Variants in RPA3 observed in about 807,000 individuals in gnomAD.
The protein encoded by RPA3 is replication protein A 14 kDa subunit.
In RPA3, 24 loss-of-function variants were observed where a neutral mutation model predicts 13.7. The observed-to-expected ratio is 1.75, with a 90% CI of 1.27 to 2.46. The LOEUF (loss-of-function observed/expected upper bound fraction) is 2.46, where lower values mean the gene tolerates loss of function less well. Ranked by LOEUF, RPA3 falls within the 30% of genes most tolerant of loss-of-function variation. The probability of loss-of-function intolerance (pLI) is 0.00; values close to 1 mark genes in which losing one functional copy is unlikely to be tolerated. For missense variants in RPA3, 183 were observed against 151.0 expected, an observed-to-expected ratio of 1.21 and a Z score of -1.11; for synonymous variants, 59 against 51.2, an observed-to-expected ratio of 1.15 and a Z score of -0.65.
chr7:7,667,412 C>T (rs567606655), intron 4 of RPA3, among the ~76,000 whole-genome samples: 2 of 152,274 alleles, frequency 1.3e-5, no homozygotes, highest in Admixed American at 6.5e-5. Flanking sequence ...TTAGAGCTTA[C>T]CGCATACTAG....
At chr7:7,648,796 T>C (rs903499160) in intron 4 of RPA3, among the ~76,000 whole-genome samples, 1 of 151,424 alleles carries the variant, frequency 6.6e-6, no homozygotes, top group African/African-American at 2.4e-5. Context: ...GAGGTTGCAG[T>C]GAGCTAAGAT....
intron 4 of RPA3, among the ~76,000 whole-genome samples, chr7:7,650,994 C>T (rs1036581086): frequency 3.3e-5 from 5 of 152,172 alleles, no homozygotes; most frequent in East Asian, 1.9e-4. Context: ...CTTAAAAGAG[C>T]ATTTGTGGTA....
chr7:7,643,702 A>C (rs1210877259), intron 4 of RPA3, among the ~76,000 whole-genome samples: 6 of 137,250 alleles, frequency 4.4e-5, no homozygotes, highest in Admixed American at 2.3e-4. Context: ...ACAGAGCGAG[A>C]CTCCCTCTCA....
Position 7,645,581 on chromosome 7 carries a change from A to G in RPA3, c.-757-4406T>C, listed in dbSNP as rs112899915. 1.2e-3 allele frequency among the ~76,000 whole-genome samples: 182 copies of G among 152,248 alleles called. 1 individual carries two copies. The highest frequency in any genetic ancestry group is 0.01 in the Middle Eastern group (3 of 294). On this transcript the variant is annotated intron_variant, in intron 4 of 7. Transcript: ENST00000223129. ...GGAGTATTCCCCGAAGTCCTTCCCA[A>G]CTTGAATTTCTGTTTATTAGATTAA...
intron 4 of RPA3, among the ~76,000 whole-genome samples, chr7:7,648,434 C>T (rs751211661): frequency 1.6e-4 from 24 of 152,170 alleles, no homozygotes; most frequent in Non-Finnish European, 2.8e-4. Context: ...GTGCATATAG[C>T]TGGCGATTCA....
At chr7:7,640,037 A>G in intron 5 of RPA3, 2 of 441,368 alleles carry the variant, frequency 4.5e-6, no homozygotes, top group Non-Finnish European at 8.2e-6. Flanking sequence ...TAGATGTGGG[A>G]GTGGTGTTTA....
In RPA3 at chr7:7,712,617, C is replaced by T. The variant is rs1780794064; in HGVS notation, c.-1028+2558G>A. Among the ~76,000 whole-genome samples, 6 of 152,228 alleles carry T rather than the reference C, an allele frequency of 3.9e-5. 1 individual carries two copies. In the South Asian group the frequency reaches 1.2e-3, roughly 32 times the overall value. Reference sequence around the variant, plus strand: ...GAATTTTCTAAGTACGTAATTATAACCTCTGTGAATAGTGAGTTTTGTTTC... The same window carrying T: ...GAATTTTCTAAGTACGTAATTATAATCTCTGTGAATAGTGAGTTTTGTTTC... On this transcript the variant is annotated intron_variant, in intron 2 of 7. Transcript: ENST00000223129.
At chr7:7,684,576 C>T (rs1779993842) in intron 4 of RPA3, among the ~76,000 whole-genome samples, 1 of 152,064 alleles carries the variant, frequency 6.6e-6, no homozygotes, top group Non-Finnish European at 1.5e-5. Flanking sequence ...ATGAGGAACT[C>T]ATGGATACGG....
intron 2 of RPA3, among the ~76,000 whole-genome samples, chr7:7,700,839 G>C (rs1434924006): frequency 6.6e-6 from 1 of 152,046 alleles, no homozygotes; most frequent in Non-Finnish European, 1.5e-5. Flanking sequence ...AGTGAGCTGA[G>C]AATGTGCCAC....
At chr7:7,704,223 CTT>C (rs1351883985) in intron 2 of RPA3, among the ~76,000 whole-genome samples, 1 of 152,074 alleles carries the variant, frequency 6.6e-6, no homozygotes, top group African/African-American at 2.4e-5. Context: ...TAAGGCTACT[CTT>C]TTTACTACCT....
intron 2 of RPA3, among the ~76,000 whole-genome samples, chr7:7,693,680 G>C (rs1780235091): frequency 6.6e-6 from 1 of 151,914 alleles, no homozygotes. Flanking sequence ...TTTATGCCTT[G>C]TTTATTTTAT....
At position 7,640,492 on chromosome 7, in the gene RPA3, G is replaced by C. The variant is rs1784942098; in HGVS notation, c.-74C>G. ...ACTGTGCGCCCCGCGGGTGTCTATGGGGCAGATTTCTCGGCACCAATCAGC... is the reference window on the plus strand; with the variant it reads ...ACTGTGCGCCCCGCGGGTGTCTATGCGGCAGATTTCTCGGCACCAATCAGC... On this transcript the variant is annotated 5_prime_UTR_variant, in exon 5 of 8. Coordinates refer to ENST00000223129, the MANE Select transcript of RPA3 (RefSeq NM_002947.5). The C allele has an allele frequency of 7.1e-7, 1 of 1,408,748 alleles. No individual in the cohort carries two copies. The highest frequency in any genetic ancestry group is 2.3e-5 in the East Asian group (1 of 43,484). The allele number at this position is 1,408,748 out of a possible 1,614,324, so 87.3% of individuals were successfully genotyped here. A position where few individuals can be genotyped will look rare whatever the true frequency, so the allele number is the denominator to read the frequency against.
chr7:7,662,665 A>G (rs374155679), intron 4 of RPA3, among the ~76,000 whole-genome samples: 20 of 152,096 alleles, frequency 1.3e-4, no homozygotes, highest in East Asian at 7.7e-4. Flanking sequence ...ACCAGTCCCA[A>G]TGAGATGAGC....
intron 4 of RPA3, among the ~76,000 whole-genome samples, chr7:7,682,628 C>T (rs540346506): frequency 7.9e-5 from 12 of 152,280 alleles, no homozygotes; most frequent in Admixed American, 3.3e-4. Context: ...TCAACATGTG[C>T]TTCCTATTTT....
intron 4 of RPA3, among the ~76,000 whole-genome samples, chr7:7,643,677 A>C (rs1583685906): frequency 6.8e-6 from 1 of 147,254 alleles, no homozygotes. Context: ...GCGCCACTTC[A>C]CTCCAACCTG....
intron 4 of RPA3, among the ~76,000 whole-genome samples, chr7:7,681,697 C>CT (rs938300709): frequency 1.3e-5 from 2 of 152,030 alleles, no homozygotes; most frequent in Non-Finnish European, 2.9e-5. Context: ...TTTTCATAGC[C>CT]TTATACTACT....
At chr7:7,700,601 C>T (rs995530272) in intron 2 of RPA3, among the ~76,000 whole-genome samples, 1 of 151,922 alleles carries the variant, frequency 6.6e-6, no homozygotes, top group Non-Finnish European at 1.5e-5. Flanking sequence ...ACAAAAACAC[C>T]AAAGGGCCGG....
intron 1 of RPA3, among the ~76,000 whole-genome samples, chr7:7,716,062 A>C (rs552822942): frequency 4.1e-4 from 62 of 152,326 alleles, no homozygotes; most frequent in Non-Finnish European, 7.2e-4. Context: ...CTACAGTTAA[A>C]ATTTTTTTTG....
intron 2 of RPA3, among the ~76,000 whole-genome samples, chr7:7,701,102 C>G (rs769663503): frequency 7.2e-5 from 11 of 152,060 alleles, no homozygotes; most frequent in Non-Finnish European, 1.2e-4. Context: ...ATCTCTATCG[C>G]CATTTGGTTA....
Sources: allele counts gnomAD v4.1 joint callset (sites outside exome capture counted in the v4.1 genomes callset), GRCh38; gene constraint gnomAD v4.1.1; transcripts MANE v1.5; gene names NCBI Gene and HGNC (gene_info 2026-07-23, HGNC 2026-07-21).